Variants in APBB2 observed in about 807,000 individuals in gnomAD.
The protein encoded by APBB2 is amyloid beta precursor protein binding family B member 2, also known as Fe65-like 1.
Under a neutral mutation model 82.5 loss-of-function variants are expected in APBB2, and 38 were observed. The observed-to-expected ratio is 0.46, with a 90% confidence interval of 0.36 to 0.60. The LOEUF is 0.60. Among genes scored for constraint, APBB2 ranks in the 20% least tolerant of loss-of-function variants. APBB2 has a pLI of 0.00. For missense variants in APBB2, 772 were observed against 972.3 expected, an observed-to-expected ratio of 0.79 and a Z score of 2.74; for synonymous variants, 341 against 368.2, an observed-to-expected ratio of 0.93 and a Z score of 0.85.
chr4:40,988,656 G>A (rs1001424445), intron 6 of APBB2, among the ~76,000 whole-genome samples: 23 of 34,320 alleles, frequency 6.7e-4, no homozygotes, highest in South Asian at 2.1e-3. Flanking sequence ...AAAAAAAAAA[G>A]ACTGTCTCAA....
intron 12 of APBB2, among the ~76,000 whole-genome samples, chr4:40,859,757 C>T (rs761764965): frequency 2.9e-4 from 44 of 152,236 alleles, no homozygotes; most frequent in Non-Finnish European, 5.3e-4. Context: ...CTGCTTCTAT[C>T]TCCAATGCTG....
chr4:40,823,470 AG>A (rs1266673920), intron 16 of APBB2, among the ~76,000 whole-genome samples, 173 bp downstream of exon 16: 7 of 152,226 alleles, frequency 4.6e-5, no homozygotes, highest in African/African-American at 1.7e-4. Flanking sequence ...AGGAAAACAG[AG>A]GTATGCACAG....
intron 12 of APBB2, among the ~76,000 whole-genome samples, chr4:40,877,162 T>C (rs1167696111): frequency 2.0e-5 from 3 of 152,158 alleles, no homozygotes; most frequent in South Asian, 2.1e-4. Flanking sequence ...GGAGAATAAA[T>C]AGAAAGAACA....
chr4:41,089,573 A>G (rs1740994219), intron 3 of APBB2, among the ~76,000 whole-genome samples: 1 of 152,186 alleles, frequency 6.6e-6, no homozygotes, highest in Non-Finnish European at 1.5e-5. Context: ...TCCTAGATTC[A>G]GGAGTTAACA....
At chr4:41,099,032 A>T (rs1394336677) in intron 3 of APBB2, among the ~76,000 whole-genome samples, 2 of 151,944 alleles carry the variant, frequency 1.3e-5, no homozygotes, top group Non-Finnish European at 2.9e-5. Context: ...TTTTTTTTTT[A>T]AATTCCACTG....
chr4:40,897,483 A>C (rs1578264320), intron 10 of APBB2, among the ~76,000 whole-genome samples: 1 of 151,872 alleles, frequency 6.6e-6, no homozygotes, highest in Non-Finnish European at 1.5e-5. Flanking sequence ...GCGCCACTGC[A>C]CTCTAGCCTA....
chr4:40,819,177 T>TC (rs1264997218), intron 17 of APBB2, among the ~76,000 whole-genome samples: 1 of 7,474 alleles, frequency 1.3e-4, no homozygotes, highest in Non-Finnish European at 2.7e-4. Flanking sequence ...CTTGGCTCTC[T>TC]TTTTTTTTTT....
intron 1 of APBB2, among the ~76,000 whole-genome samples, chr4:41,148,501 T>C (rs770862490): frequency 2.0e-5 from 3 of 152,176 alleles, no homozygotes; most frequent in Non-Finnish European, 4.4e-5. Context: ...CCAACAAATA[T>C]TTACTAAGAA....
intron 6 of APBB2, among the ~76,000 whole-genome samples, chr4:40,984,803 T>G (rs1799979806): frequency 6.6e-6 from 1 of 152,216 alleles, no homozygotes; most frequent in Non-Finnish European, 1.5e-5. Context: ...TCTCATGTTG[T>G]GGGGAGTACA....
chr4:40,831,991 CAT>C (rs971414576), intron 12 of APBB2, among the ~76,000 whole-genome samples: 4 of 134,266 alleles, frequency 3.0e-5, no homozygotes, highest in Non-Finnish European at 4.9e-5. Context: ...TACACACACA[CAT>C]ATTTATATAT....
At chr4:41,140,275 T>C (rs1404613331) in intron 2 of APBB2, among the ~76,000 whole-genome samples, 1 of 152,200 alleles carries the variant, frequency 6.6e-6, no homozygotes, top group Non-Finnish European at 1.5e-5. Flanking sequence ...ATTCTACCAT[T>C]ACTAACCTCT....
chr4:40,816,405 T>G (rs1745657342), intron 17 of APBB2, 146 bp from the exon 18 acceptor site: 1 of 897,124 alleles, frequency 1.1e-6, no homozygotes, highest in Non-Finnish European at 1.7e-6. Context: ...TATTTTTCTC[T>G]GAATGTGAGT....
chr4:40,830,064 C>A (rs1751341128), intron 13 of APBB2, among the ~76,000 whole-genome samples: 1 of 152,184 alleles, frequency 6.6e-6, no homozygotes, highest in Non-Finnish European at 1.5e-5. Flanking sequence ...CGTATCTCTG[C>A]CATTGTTTTG....
At chr4:41,070,709 C>A (rs1196087059) in intron 3 of APBB2, among the ~76,000 whole-genome samples, 2 of 151,916 alleles carry the variant, frequency 1.3e-5, no homozygotes, top group African/African-American at 2.4e-5. Context: ...TAGTATGTAC[C>A]ACGTGACATT....
At chr4:40,969,018 T>C (rs1795327411) in intron 6 of APBB2, among the ~76,000 whole-genome samples, 1 of 152,238 alleles carries the variant, frequency 6.6e-6, no homozygotes, top group African/African-American at 2.4e-5. Flanking sequence ...TCTTGCCTGC[T>C]GTCATGTAAG....
intron 1 of APBB2, among the ~76,000 whole-genome samples, chr4:41,162,494 T>C (rs1765431683): frequency 6.6e-6 from 1 of 152,194 alleles, no homozygotes; most frequent in Non-Finnish European, 1.5e-5. Context: ...GACTCACCCA[T>C]ATGCATTCTT....
Position 40,832,693 on chromosome 4 carries a change from G to C in APBB2, c.1530-2116C>G, listed in dbSNP as rs976286527. 2.0e-5 allele frequency among the ~76,000 whole-genome samples: 3 copies of C among 152,188 alleles called. No homozygotes were observed. Among genetic ancestry groups the C allele is most frequent in the African/African-American group, 7.2e-5 (3 of 41,436 alleles). On this transcript the variant is annotated intron_variant, in intron 12 of 17. Coordinates refer to ENST00000508593, the MANE Select transcript of APBB2 (RefSeq NM_004307.2). The surrounding 1 kb of genome is among the most constrained non-coding windows in gnomAD (Gnocchi z 4.8). Reference sequence around the variant, plus strand: ...CCAGGACTCAGCTGAAGATGGGTGAGAGCCTGGAAGGTTCCTCGCACACAC... The same window carrying C: ...CCAGGACTCAGCTGAAGATGGGTGACAGCCTGGAAGGTTCCTCGCACACAC...
At chr4:40,848,327 C>T (rs368222461) in intron 12 of APBB2, among the ~76,000 whole-genome samples, 17 of 152,198 alleles carry the variant, frequency 1.1e-4, no homozygotes, top group East Asian at 5.8e-4. Context: ...GGAAGCATCA[C>T]GACTCATTTT....
In APBB2 at chr4:40,812,915, T is replaced by C. The variant is rs376507857; in HGVS notation, c.*3177A>G. On this transcript the variant is annotated 3_prime_UTR_variant, in exon 18 of 18. Coordinates refer to ENST00000508593, the MANE Select transcript of APBB2 (RefSeq NM_004307.2). ...GGTGGAAACAAAGGGCATGTGTACA[T>C]GTATATATCTCTTAGATGAAATCAC... 72 of 152,354 alleles carry C rather than the reference T, an allele frequency of 4.7e-4. No homozygotes were observed. The highest frequency in any genetic ancestry group is 1.7e-3 in the African/African-American group (70 of 41,580). The allele number at this position is 152,354 out of a possible 1,614,324, so 9.4% of individuals were successfully genotyped here. A position where few individuals can be genotyped will look rare whatever the true frequency, so the allele number is the denominator to read the frequency against.
Sources: allele counts gnomAD v4.1 joint callset (sites outside exome capture counted in the v4.1 genomes callset), GRCh38; gene constraint gnomAD v4.1.1; non-coding constraint Gnocchi (gnomAD v3.1); transcripts MANE v1.5; gene names NCBI Gene and HGNC (gene_info 2026-07-23, HGNC 2026-07-21).